Variants in CCAR1 observed in about 807,000 individuals in gnomAD.
The protein encoded by CCAR1 is cell division cycle and apoptosis regulator 1, also known as cell division cycle and apoptosis regulator protein 1.
Under a neutral mutation model 163.8 loss-of-function variants are expected in CCAR1, and 78 were observed. The observed-to-expected ratio is 0.48, with a 90% confidence interval of 0.40 to 0.57. The LOEUF (loss-of-function observed/expected upper bound fraction) is 0.57, where lower values mean the gene tolerates loss of function less well. CCAR1 is among the 20% of genes least tolerant of loss of function. The pLI is 0.00. For synonymous variants in CCAR1, 443 were observed against 460.7 expected (o/e 0.96, Z 0.49); for missense variants, 1,019 against 1,365.2 (o/e 0.75, Z 4.00).
At chr10:68,723,955 T>A (rs760262247) in intron 2 of CCAR1, among the ~76,000 whole-genome samples, 3 of 151,456 alleles carry the variant, frequency 2.0e-5, no homozygotes, top group Non-Finnish European at 4.4e-5. Flanking sequence ...AGTCAGGAGT[T>A]CAAGACCAGC....
intron 23 of CCAR1, 133 bp from the exon 24 acceptor site, chr10:68,789,577 A>G (rs1457005704): frequency 1.6e-6 from 1 of 612,612 alleles, no homozygotes; most frequent in East Asian, 2.8e-5. Flanking sequence ...TTTATGACTA[A>G]TGAAATTGAC....
chr10:68,735,583 C>A (rs2056098548), intron 2 of CCAR1: 1 of 151,864 alleles, frequency 6.6e-6, no homozygotes. Context: ...TTTTTTAAAT[C>A]TTTGTAGAGA....
chr10:68,778,354 A>G (rs2056693777), intron 19 of CCAR1, among the ~76,000 whole-genome samples: 1 of 152,190 alleles, frequency 6.6e-6, no homozygotes, highest in Non-Finnish European at 1.5e-5. Flanking sequence ...GGAGATTTAC[A>G]TTGGCAGTTC....
At chr10:68,732,487 C>T (rs1380034937) in intron 2 of CCAR1, among the ~76,000 whole-genome samples, 4 of 152,050 alleles carry the variant, frequency 2.6e-5, no homozygotes, top group Non-Finnish European at 5.9e-5. Flanking sequence ...GTAGCTGGTA[C>T]TACAGGTGTG....
At chr10:68,723,567 G>T (rs775277977) in intron 2 of CCAR1, among the ~76,000 whole-genome samples, 1 of 151,854 alleles carries the variant, frequency 6.6e-6, no homozygotes, top group South Asian at 2.1e-4. Flanking sequence ...AAAGTAAATG[G>T]GCCGGGCGCG....
chr10:68,767,344 T>C (rs2056548539), intron 17 of CCAR1, among the ~76,000 whole-genome samples: 1 of 152,170 alleles, frequency 6.6e-6, no homozygotes, highest in South Asian at 2.1e-4. Flanking sequence ...CTGAGCTCAC[T>C]GCAACCTCTG....
At chr10:68,733,780 C>T (rs1149678) in intron 2 of CCAR1, among the ~76,000 whole-genome samples, 121,538 of 152,036 alleles carry the variant, frequency 0.8, 49,270 homozygotes, top group Non-Finnish European at 0.86. Context: ...TCTCCTGCCT[C>T]AGCCTCCCGA....
intron 15 of CCAR1, among the ~76,000 whole-genome samples, chr10:68,759,894 G>T (rs1322544949): frequency 6.6e-6 from 1 of 152,114 alleles, no homozygotes; most frequent in Non-Finnish European, 1.5e-5. Flanking sequence ...GAGTGCAGTG[G>T]TGTGATGAGA....
intron 5 of CCAR1, among the ~76,000 whole-genome samples, chr10:68,741,942 A>G (rs909878810): frequency 1.3e-5 from 2 of 152,216 alleles, no homozygotes; most frequent in African/African-American, 4.8e-5. Flanking sequence ...TCCTATTTTC[A>G]ATAATCAACA....
intron 2 of CCAR1, among the ~76,000 whole-genome samples, chr10:68,726,171 A>G (rs2055942946): frequency 9.6e-6 from 1 of 103,970 alleles, no homozygotes; most frequent in Non-Finnish European, 2.0e-5. Flanking sequence ...TTTTTTTTTG[A>G]GATTGAGTCT....
chr10:68,767,332 A>G (rs1478282311), intron 17 of CCAR1, among the ~76,000 whole-genome samples: 1 of 152,136 alleles, frequency 6.6e-6, no homozygotes, highest in Non-Finnish European at 1.5e-5. Flanking sequence ...CGATGGCACA[A>G]TCTGAGCTCA....
rs144708331 is a variant in CCAR1 at position 68,778,874 on chromosome 10, C to T, written c.2650+5775C>T. On this transcript the variant is annotated intron_variant, in intron 19 of 24. Transcript: ENST00000265872. ...CTCTTTTTTTGTTTGTTTTTTGAGA[C>T]GGAGTCTCGCTCTGTCACCAGGCTG... Among the ~76,000 whole-genome samples the T allele has an allele frequency of 6.3e-3, 954 of 152,138 alleles. 8 individuals are homozygous for T. The highest frequency in any genetic ancestry group is 0.021 in the African/African-American group (878 of 41,506).
intron 9 of CCAR1, 26 bp downstream of exon 9, chr10:68,749,291 A>G (rs372229661): frequency 6.3e-7 from 1 of 1,576,986 alleles, no homozygotes; most frequent in Admixed American, 1.9e-5. Context: ...TGTACTGTGG[A>G]TGGTGGCAAT....
intron 24 of CCAR1, 67 bp downstream of exon 24, chr10:68,789,982 T>C (rs2056835842): frequency 1.0e-6 from 1 of 991,510 alleles, no homozygotes. Flanking sequence ...TTTTAATGTA[T>C]TTTAATGTTA....
chr10:68,764,198 G>A (rs1428132645), intron 16 of CCAR1, among the ~76,000 whole-genome samples: 1 of 152,022 alleles, frequency 6.6e-6, no homozygotes, highest in Non-Finnish European at 1.5e-5. Context: ...ATGGATTATT[G>A]TCCTTGCTCC....
At chr10:68,740,034 T>C (rs2056163174) in intron 4 of CCAR1, among the ~76,000 whole-genome samples, 2 of 152,214 alleles carry the variant, frequency 1.3e-5, no homozygotes, top group African/African-American at 4.8e-5. Flanking sequence ...TCTGTGCCTA[T>C]GGTAAATTGT....
chr10:68,749,475 T>A (rs1347945300), intron 9 of CCAR1, 49 bp from the exon 10 acceptor site: 1 of 1,490,030 alleles, frequency 6.7e-7, no homozygotes, highest in East Asian at 2.4e-5. Flanking sequence ...TTGAAGAGCT[T>A]TTCCATAATA....
chr10:68,739,820 A>G (rs2056160399), intron 4 of CCAR1, among the ~76,000 whole-genome samples: 1 of 152,240 alleles, frequency 6.6e-6, no homozygotes, highest in Non-Finnish European at 1.5e-5. Context: ...GATATGATCT[A>G]ATCTCTAATA....
At chr10:68,733,057 G>A (rs1282211247) in intron 2 of CCAR1, among the ~76,000 whole-genome samples, 1 of 152,096 alleles carries the variant, frequency 6.6e-6, no homozygotes, top group African/African-American at 2.4e-5. Context: ...TCACTTTGTT[G>A]GTCCTTGTTT....
Sources: gnomAD v4.1 joint callset for allele counts (sites outside exome capture counted in the v4.1 genomes callset) on GRCh38, gnomAD v4.1.1 for gene constraint, MANE v1.5 for transcripts, NCBI Gene and HGNC (gene_info 2026-07-23, HGNC 2026-07-21) for gene names.